Variants in RABGEF1 observed in about 807,000 individuals in gnomAD.
RABGEF1 encodes rab5 GDP/GTP exchange factor.
RABGEF1 carries 26 observed loss-of-function variants against 57.3 expected under a neutral mutation model. The observed-to-expected ratio is 0.45, with a 90% CI of 0.33 to 0.63. RABGEF1 has a LOEUF of 0.63. Among genes scored for constraint, RABGEF1 ranks in the 20% least tolerant of loss-of-function variants. The pLI is 0.02. For missense variants in RABGEF1, 464 were observed against 607.6 expected, an observed-to-expected ratio of 0.76 and a Z score of 2.48; for synonymous variants, 185 against 210.7, an observed-to-expected ratio of 0.88 and a Z score of 1.06.
intron 1 of RABGEF1, among the ~76,000 whole-genome samples, chr7:66,747,158 C>G (rs189162132): frequency 1.6e-3 from 240 of 152,112 alleles, no homozygotes; most frequent in African/African-American, 5.5e-3. Context: ...TTAAGAGGGC[C>G]AAATACCATT....
At chr7:66,798,322 G>T (rs1302562063) in intron 6 of RABGEF1, among the ~76,000 whole-genome samples, 2 of 152,164 alleles carry the variant, frequency 1.3e-5, no homozygotes, top group African/African-American at 4.8e-5. Context: ...CCAAGTGTGG[G>T]AACAGGGCCA....
the RABGEF1 span, among the ~76,000 whole-genome samples, chr7:66,671,817 C>CTTTTT: frequency 1.6e-5 from 2 of 125,508 alleles, no homozygotes; most frequent in East Asian, 2.4e-4. Context: ...GTGAGACTGT[C>CTTTTT]TTTTTTTTTT....
chr7:66,729,164 A>T (rs900056976), intron 2 of RABGEF1, among the ~76,000 whole-genome samples: 6 of 151,448 alleles, frequency 4.0e-5, no homozygotes, highest in Non-Finnish European at 7.4e-5. Context: ...GTTAGCCAGG[A>T]TTGTCTCGAT....
intron 1 of RABGEF1, among the ~76,000 whole-genome samples, chr7:66,744,001 G>A (rs1274823537): frequency 6.6e-6 from 1 of 151,150 alleles, no homozygotes; most frequent in East Asian, 1.9e-4. Context: ...TGTTTTCAGT[G>A]TAGTGCTTGA....
At chr7:66,800,001 G>C (rs1562878514) in intron 7 of RABGEF1, among the ~76,000 whole-genome samples, 1 of 152,186 alleles carries the variant, frequency 6.6e-6, no homozygotes, top group East Asian at 1.9e-4. Context: ...GAATGAACCA[G>C]CAAGAGTGCA....
chr7:66,685,957 A>C (rs1332764448), intron 1 of RABGEF1, among the ~76,000 whole-genome samples: 2 of 152,114 alleles, frequency 1.3e-5, no homozygotes, highest in Non-Finnish European at 2.9e-5. Flanking sequence ...AAATGGTACC[A>C]AGTGGCTTCT....
chr7:66,747,064 G>A (rs1443255559), intron 1 of RABGEF1, among the ~76,000 whole-genome samples: 1 of 152,126 alleles, frequency 6.6e-6, no homozygotes, highest in African/African-American at 2.4e-5. Context: ...AAAGTGCTGG[G>A]ATTACAGGTG....
At chr7:66,807,045 T>C (rs775136735) in intron 8 of RABGEF1, among the ~76,000 whole-genome samples, 2 of 152,098 alleles carry the variant, frequency 1.3e-5, no homozygotes, top group Non-Finnish European at 2.9e-5. Context: ...TGGAAGTCCC[T>C]GAGAAGTGTG....
the RABGEF1 span, chr7:66,667,265 C>T: frequency 6.6e-6 from 1 of 152,426 alleles, no homozygotes; most frequent in Non-Finnish European, 1.5e-5. Context: ...GGCCATGCCT[C>T]TCCTGAAGCA....
chr7:66,735,236 T>C (rs1350392795), intron 2 of RABGEF1, among the ~76,000 whole-genome samples: 1 of 152,228 alleles, frequency 6.6e-6, no homozygotes, highest in Non-Finnish European at 1.5e-5. Flanking sequence ...CATTTTTAGG[T>C]AGGATTGGTT....
At chr7:66,796,115 C>G (rs1449770812) in intron 5 of RABGEF1, among the ~76,000 whole-genome samples, 2 of 152,062 alleles carry the variant, frequency 1.3e-5, no homozygotes, top group African/African-American at 4.8e-5. Flanking sequence ...CCAGCCTGGG[C>G]AACAGATCGA....
At chr7:66,736,678 T>A (rs1273314788), upstream of RABGEF1, among the ~76,000 whole-genome samples, 2 of 152,086 alleles carry the variant, frequency 1.3e-5, no homozygotes, top group Non-Finnish European at 2.9e-5. Context: ...CACTACAACA[T>A]GGTGAAACCC....
At chr7:66,761,185 C>T (rs1390629617) in intron 1 of RABGEF1, among the ~76,000 whole-genome samples, 1 of 152,076 alleles carries the variant, frequency 6.6e-6, no homozygotes, top group Non-Finnish European at 1.5e-5. Context: ...CCCTACACAC[C>T]ACACCAGCTG....
At chr7:66,760,812 A>G (rs1250104567) in intron 1 of RABGEF1, among the ~76,000 whole-genome samples, 1 of 152,062 alleles carries the variant, frequency 6.6e-6, no homozygotes, top group Non-Finnish European at 1.5e-5. Flanking sequence ...TTTAAATAAT[A>G]GAGACAGAGT....
At chr7:66,717,921 T>C (rs1267019842) in intron 2 of RABGEF1, among the ~76,000 whole-genome samples, 2 of 152,222 alleles carry the variant, frequency 1.3e-5, no homozygotes, top group Non-Finnish European at 2.9e-5. Flanking sequence ...GTTACTGAAC[T>C]CATTGAGTTA....
At chr7:66,765,321 C>A (rs1260639012) in intron 1 of RABGEF1, among the ~76,000 whole-genome samples, 1 of 152,186 alleles carries the variant, frequency 6.6e-6, no homozygotes, top group Non-Finnish European at 1.5e-5. Context: ...TCTTCTTAGA[C>A]TCAGAGCTAT....
intron 1 of RABGEF1, among the ~76,000 whole-genome samples, chr7:66,711,964 C>G (rs757840221): frequency 6.6e-6 from 1 of 152,198 alleles, no homozygotes; most frequent in Non-Finnish European, 1.5e-5. Context: ...CAATACTACA[C>G]TGTCTTAATT....
intron 1 of RABGEF1, among the ~76,000 whole-genome samples, chr7:66,744,224 G>C (rs555870295): frequency 5.9e-5 from 9 of 151,518 alleles, no homozygotes; most frequent in Non-Finnish European, 1.0e-4. Flanking sequence ...CTGCTATCTT[G>C]TATTTTAATT....
At chr7:66,703,256 G>A (rs761536227) in intron 1 of RABGEF1, among the ~76,000 whole-genome samples, 2 of 152,214 alleles carry the variant, frequency 1.3e-5, no homozygotes, top group Non-Finnish European at 2.9e-5. Context: ...ACAGGTATGA[G>A]CCACCGTGCC....
Sources: allele counts gnomAD v4.1 joint callset (sites outside exome capture counted in the v4.1 genomes callset), GRCh38; gene constraint gnomAD v4.1.1; transcripts MANE v1.5; gene names NCBI Gene and HGNC (gene_info 2026-07-23, HGNC 2026-07-21).